SAMMSON: variants seen among roughly 807,000 people sequenced by gnomAD.
SAMMSON encodes the protein long intergenic non-protein coding RNA 1212.
chr3:70,366,320 C>G (rs1702919567), intron 9 of SAMMSON, among the ~76,000 whole-genome samples: 3 of 151,562 alleles, frequency 2.0e-5, no homozygotes, highest in African/African-American at 7.2e-5. Context: ...CTCCTTGTCT[C>G]TCTTCAAAGA....
intron 7 of SAMMSON, among the ~76,000 whole-genome samples, chr3:70,301,943 G>T (rs147113392): frequency 2.0e-5 from 3 of 152,212 alleles, no homozygotes; most frequent in Admixed American, 2.0e-4. Context: ...TCTGTTGTTT[G>T]AGATTAGAAA....
chr3:70,220,636 C>T (rs1046625027), intron 4 of SAMMSON, among the ~76,000 whole-genome samples: 4 of 152,032 alleles, frequency 2.6e-5, no homozygotes, highest in Admixed American at 1.3e-4. Flanking sequence ...GTTTGGTCTC[C>T]CTTTAGAATG....
intron 3 of SAMMSON, among the ~76,000 whole-genome samples, chr3:70,032,570 G>A (rs568523554): frequency 2.0e-5 from 3 of 152,170 alleles, no homozygotes; most frequent in African/African-American, 7.2e-5. Flanking sequence ...TTGACAGCTA[G>A]GGCTGCAGAT....
At chr3:70,190,196 A>G (rs1291377365) in intron 4 of SAMMSON, among the ~76,000 whole-genome samples, 5 of 152,206 alleles carry the variant, frequency 3.3e-5, no homozygotes, top group African/African-American at 4.8e-5. Flanking sequence ...AGTTTGAGAA[A>G]GGACTAATGG....
At chr3:70,389,489 T>C (rs752524719) in intron 9 of SAMMSON, 2 of 152,140 alleles carry the variant, frequency 1.3e-5, no homozygotes, top group Non-Finnish European at 2.9e-5. Context: ...CATTAATCTG[T>C]TTAATATCCA....
intron 4 of SAMMSON, among the ~76,000 whole-genome samples, chr3:70,124,747 A>G (rs7618277): frequency 0.53 from 78,251 of 147,188 alleles, 21,623 homozygotes; most frequent in East Asian, 0.95. Context: ...CCCGGGAGGC[A>G]GAGCTTGCAG....
At chr3:70,067,126 A>T (rs2067212564) in intron 3 of SAMMSON, among the ~76,000 whole-genome samples, 1 of 152,086 alleles carries the variant, frequency 6.6e-6, no homozygotes, top group Non-Finnish European at 1.5e-5. Context: ...GCAAAACCAG[A>T]ACTGAACAAA....
At chr3:70,238,336 C>T (rs1125009) in intron 4 of SAMMSON, among the ~76,000 whole-genome samples, 17,123 of 151,876 alleles carry the variant, frequency 0.11, 1,683 homozygotes, top group African/African-American at 0.27. Flanking sequence ...GGCTGGGCAT[C>T]GTGGCTCACA....
chr3:70,164,093 T>C (rs962259955), intron 4 of SAMMSON, among the ~76,000 whole-genome samples: 1 of 151,992 alleles, frequency 6.6e-6, no homozygotes, highest in Non-Finnish European at 1.5e-5. Context: ...TGCTGATGGA[T>C]TTAGGTTCAT....
intron 4 of SAMMSON, among the ~76,000 whole-genome samples, chr3:70,241,147 T>G (rs1701664558): frequency 6.6e-6 from 1 of 152,156 alleles, no homozygotes; most frequent in South Asian, 2.1e-4. Flanking sequence ...GCTGATAAAT[T>G]TATCAGTTCC....
intron 6 of SAMMSON, among the ~76,000 whole-genome samples, chr3:70,278,259 C>T (rs559826857): frequency 1.7e-4 from 26 of 152,124 alleles, no homozygotes; most frequent in Middle Eastern, 3.4e-3. Flanking sequence ...TTGTGTGTAC[C>T]GGTAGTTCAA....
At chr3:70,205,806 TG>T (rs1189144610) in intron 4 of SAMMSON, 4 of 152,104 alleles carry the variant, frequency 2.6e-5, no homozygotes. Context: ...CATTTTCCTT[TG>T]AGAAACTCCA....
At chr3:70,175,497 G>A (rs1019977782) in intron 4 of SAMMSON, among the ~76,000 whole-genome samples, 2 of 152,102 alleles carry the variant, frequency 1.3e-5, no homozygotes, top group African/African-American at 2.4e-5. Flanking sequence ...TCTGTTAGGA[G>A]AGAAGCAGAA....
At chr3:70,216,677 G>A (rs1036230297) in intron 4 of SAMMSON, among the ~76,000 whole-genome samples, 5 of 152,082 alleles carry the variant, frequency 3.3e-5, no homozygotes, top group African/African-American at 1.2e-4. Flanking sequence ...TCATCCTAAA[G>A]CTTATTGAAA....
chr3:70,009,187 T>G (rs1440618088), intron 1 of SAMMSON: 1 of 152,200 alleles, frequency 6.6e-6, no homozygotes, highest in African/African-American at 2.4e-5. Flanking sequence ...TCTTTTTCTA[T>G]TGATTGGAAT....
chr3:70,294,982 C>A (rs545646120), intron 7 of SAMMSON, among the ~76,000 whole-genome samples: 1 of 152,276 alleles, frequency 6.6e-6, no homozygotes, highest in Non-Finnish European at 1.5e-5. Flanking sequence ...AAAACCTTTA[C>A]TAGAAGCCCC....
intron 4 of SAMMSON, among the ~76,000 whole-genome samples, chr3:70,147,441 G>A (rs758741739): frequency 6.6e-6 from 1 of 151,990 alleles, no homozygotes; most frequent in African/African-American, 2.4e-5. Flanking sequence ...CAATAGTCAA[G>A]ACTGTGTGTT....
intron 4 of SAMMSON, among the ~76,000 whole-genome samples, chr3:70,235,569 T>C (rs967191710): frequency 8.5e-5 from 13 of 152,108 alleles, no homozygotes; most frequent in African/African-American, 3.1e-4. Flanking sequence ...ACATGGTCAG[T>C]CAGGCTCACG....
intron 4 of SAMMSON, among the ~76,000 whole-genome samples, chr3:70,234,862 T>G (rs980753351): frequency 2.0e-5 from 3 of 152,210 alleles, no homozygotes; most frequent in African/African-American, 7.2e-5. Context: ...TTCTTCTCAC[T>G]TATTCAAATC....
Sources: allele counts gnomAD v4.1 joint callset (sites outside exome capture counted in the v4.1 genomes callset), GRCh38; gene constraint gnomAD v4.1.1; transcripts MANE v1.5; gene names NCBI Gene and HGNC (gene_info 2026-07-23, HGNC 2026-07-21).